Variants in UBE2D2 observed in about 807,000 individuals in gnomAD.
UBE2D2 encodes ubiquitin-conjugating enzyme E2 D2.
In UBE2D2, 2 loss-of-function variants were observed where a neutral mutation model predicts 24.2. The ratio of observed to expected loss-of-function variants is 0.08; its 90% confidence interval spans 0.03 to 0.26. UBE2D2 has a LOEUF of 0.26. Among genes scored for constraint, UBE2D2 ranks in the 10% least tolerant of loss-of-function variants. The pLI, the probability that UBE2D2 is intolerant of heterozygous loss-of-function variation, is 1.00. For missense variants in UBE2D2, 44 were observed against 177.6 expected (o/e 0.25, Z 4.28); for synonymous variants, 58 against 56.5 (o/e 1.03, Z -0.12).
At chr5:139,596,672 G>A (rs915141661) in intron 1 of UBE2D2, among the ~76,000 whole-genome samples, 2 of 151,870 alleles carry the variant, frequency 1.3e-5, no homozygotes, top group Non-Finnish European at 2.9e-5. Flanking sequence ...AGGCTGAGGC[G>A]GAAGGATCGC....
chr5:139,625,537 A>G (rs1754606344), intron 6 of UBE2D2, among the ~76,000 whole-genome samples: 1 of 140,688 alleles, frequency 7.1e-6, no homozygotes, highest in African/African-American at 2.7e-5. Flanking sequence ...TCAACCTCCC[A>G]GGCTCAAGTA....
chr5:139,589,992 G>T (rs1753810638), intron 1 of UBE2D2, among the ~76,000 whole-genome samples: 1 of 152,088 alleles, frequency 6.6e-6, no homozygotes, highest in South Asian at 2.1e-4. Flanking sequence ...CACTGTGTTA[G>T]TCAGGATGGT....
At chr5:139,605,224 A>G (rs1754172268) in intron 2 of UBE2D2, among the ~76,000 whole-genome samples, 1 of 152,216 alleles carries the variant, frequency 6.6e-6, no homozygotes, top group South Asian at 2.1e-4. Context: ...TAAAACATCC[A>G]GATTTTAATG....
intron 6 of UBE2D2, chr5:139,623,662 G>C (rs776023009): frequency 9.3e-6 from 4 of 432,100 alleles, no homozygotes; most frequent in Middle Eastern, 3.3e-4. Context: ...ATTGTTTCAC[G>C]TGACTCCTCT....
chr5:139,563,205 G>T (rs1437450236), intron 1 of UBE2D2, among the ~76,000 whole-genome samples: 1 of 152,178 alleles, frequency 6.6e-6, no homozygotes, highest in Non-Finnish European at 1.5e-5. Context: ...ACAGATTGAT[G>T]ATTTAAACAC....
intron 1 of UBE2D2, among the ~76,000 whole-genome samples, chr5:139,550,833 C>T (rs1357074699): frequency 6.6e-6 from 1 of 152,142 alleles, no homozygotes; most frequent in Admixed American, 6.6e-5. Context: ...ACTCCAAACA[C>T]GTCTGAACAT....
intron 1 of UBE2D2, among the ~76,000 whole-genome samples, chr5:139,564,789 T>C (rs540053258): frequency 8.4e-4 from 128 of 152,232 alleles, no homozygotes; most frequent in African/African-American, 2.9e-3. Context: ...TTAACCATTT[T>C]CCCCTAGTTT....
intron 1 of UBE2D2, among the ~76,000 whole-genome samples, chr5:139,526,948 T>C (rs993361390): frequency 3.3e-5 from 5 of 152,214 alleles, no homozygotes; most frequent in African/African-American, 1.2e-4. Context: ...TGTACCCTCT[T>C]TACCCATTCT....
At chr5:139,546,766 G>A (rs1010629048) in intron 1 of UBE2D2, among the ~76,000 whole-genome samples, 11 of 151,648 alleles carry the variant, frequency 7.3e-5, no homozygotes, top group Non-Finnish European at 1.6e-4. Context: ...AATTACAGGC[G>A]TGAGCCACCG....
At chr5:139,571,703 AAACTT>A (rs755782110) in intron 1 of UBE2D2, among the ~76,000 whole-genome samples, 12 of 151,926 alleles carry the variant, frequency 7.9e-5, no homozygotes, top group East Asian at 1.9e-4. Flanking sequence ...TCCCTTTGCC[AAACTT>A]AACTTTTGCT....
At chr5:139,527,165 G>C (rs959268473) in intron 1 of UBE2D2, among the ~76,000 whole-genome samples, 1 of 152,184 alleles carries the variant, frequency 6.6e-6, no homozygotes, top group African/African-American at 2.4e-5. Flanking sequence ...AGGTGGGTTG[G>C]CTATCAGAAG....
At chr5:139,573,072 C>T (rs1483967858) in intron 1 of UBE2D2, among the ~76,000 whole-genome samples, 2 of 151,936 alleles carry the variant, frequency 1.3e-5, no homozygotes, top group Non-Finnish European at 2.9e-5. Context: ...GAGGCCGAGA[C>T]GGGCAGATCA....
intron 5 of UBE2D2, among the ~76,000 whole-genome samples, 189 bp from the exon 6 acceptor site, chr5:139,623,179 A>C (rs1754547453): frequency 6.6e-6 from 1 of 152,038 alleles, no homozygotes; most frequent in Non-Finnish European, 1.5e-5. Flanking sequence ...TTCTGCTAAA[A>C]AAAAAAGAAA....
intron 5 of UBE2D2, among the ~76,000 whole-genome samples, chr5:139,622,218 G>A (rs1468398990): frequency 6.6e-6 from 1 of 151,846 alleles, no homozygotes; most frequent in African/African-American, 2.4e-5. Context: ...TCTGCTATTT[G>A]TTTTATTTTA....
At chr5:139,602,326 A>AACAATTTGAGGC (rs1754096355) in intron 2 of UBE2D2, among the ~76,000 whole-genome samples, 1 of 152,230 alleles carries the variant, frequency 6.6e-6, no homozygotes, top group Non-Finnish European at 1.5e-5. Flanking sequence ...TTCTGGAATT[A>AACAATTTGAGGC]CAGGCGTGAG....
intron 1 of UBE2D2, among the ~76,000 whole-genome samples, chr5:139,589,778 G>T (rs1053216757): frequency 6.6e-6 from 1 of 152,084 alleles, no homozygotes; most frequent in African/African-American, 2.4e-5. Context: ...AATTTAAAGT[G>T]GGGGTTGGTA....
chr5:139,562,197 A>G (rs1554076870), intron 1 of UBE2D2: 1 of 1,377,936 alleles, frequency 7.3e-7, no homozygotes, highest in Non-Finnish European at 9.6e-7. Flanking sequence ...AGAGGTCGAA[A>G]GGGCTTCTCG....
At chr5:139,530,617 GA>G (rs376201541) in intron 1 of UBE2D2, among the ~76,000 whole-genome samples, 85 of 152,310 alleles carry the variant, frequency 5.6e-4, no homozygotes, top group African/African-American at 2.0e-3. Flanking sequence ...ACTCTGATGA[GA>G]AATGCTATCT....
At chr5:139,538,683 C>A (rs957324399) in intron 1 of UBE2D2, among the ~76,000 whole-genome samples, 11 of 151,916 alleles carry the variant, frequency 7.2e-5, no homozygotes, top group Middle Eastern at 3.2e-3. Flanking sequence ...CCAGCCTGAC[C>A]AACATGGAAA....
Sources: allele counts gnomAD v4.1 joint callset (sites outside exome capture counted in the v4.1 genomes callset), GRCh38; gene constraint gnomAD v4.1.1; transcripts MANE v1.5; gene names NCBI Gene and HGNC (gene_info 2026-07-23, HGNC 2026-07-21).